The following ELP4 variants were observed in gnomAD, a reference collection of about 807,000 sequenced individuals.
ELP4 encodes the protein elongator complex protein 4.
ELP4 carries 51 observed loss-of-function variants against 48.9 expected under a neutral mutation model. That is an observed-to-expected ratio of 1.04 (90% confidence interval 0.83 to 1.32). The LOEUF is 1.32. Among genes scored for constraint, ELP4 ranks in the 40% most tolerant of loss-of-function variants. ELP4 has a pLI of 0.00. For missense variants in ELP4, 519 were observed against 514.6 expected (o/e 1.01, Z -0.08); for synonymous variants, 210 against 189.2 (o/e 1.11, Z -0.90).
intron 9 of ELP4, chr11:31,650,669 C>T (rs1442344504): frequency 1.3e-5 from 2 of 152,388 alleles, no homozygotes; most frequent in African/African-American, 4.8e-5. Context: ...TGGAACTAAA[C>T]AAATTATAAT....
intron 3 of ELP4, among the ~76,000 whole-genome samples, chr11:31,567,274 T>C (rs1957128708): frequency 6.6e-6 from 1 of 152,222 alleles, no homozygotes; most frequent in South Asian, 2.1e-4. Context: ...TACCCAGATT[T>C]TATTCTAAAA....
chr11:31,606,571 A>G lies in ELP4; in HGVS notation c.653+2664A>G, dbSNP rs190979161. Among the ~76,000 whole-genome samples, 6 of 152,328 alleles carry G rather than the reference A, an allele frequency of 3.9e-5. No homozygotes were observed. The East Asian group carries it at 1.2e-3, about 29-fold the overall frequency. ...GCCTGTAGAAAAAATTCATACATAC[A>G]GTTTAAATTTTCAAATTAAAGCCAG... On this transcript the variant is annotated intron_variant, in intron 5 of 9. Transcript: ENST00000640961.
chr11:31,729,019 T>C (rs1463644636), intron 9 of ELP4, among the ~76,000 whole-genome samples: 1 of 152,182 alleles, frequency 6.6e-6, no homozygotes, highest in African/African-American at 2.4e-5. Context: ...CAAAATAGTC[T>C]CATTAGCTAG....
intron 5 of ELP4, among the ~76,000 whole-genome samples, chr11:31,604,855 G>A (rs1225421517): frequency 6.6e-6 from 1 of 151,900 alleles, no homozygotes; most frequent in Non-Finnish European, 1.5e-5. Flanking sequence ...GTGCTTTGAT[G>A]TTGTTTTAGC....
At chr11:31,558,250 A>C (rs1156796339) in intron 3 of ELP4, among the ~76,000 whole-genome samples, 1 of 152,072 alleles carries the variant, frequency 6.6e-6, no homozygotes, top group Non-Finnish European at 1.5e-5. Flanking sequence ...CTAAAAAAAA[A>C]CATGCAAAGG....
rs148910051 is a variant in ELP4, at chr11:31,729,412, C to T, written c.1144-53981C>T. 5.3e-5 allele frequency among the ~76,000 whole-genome samples: 8 copies of T among 152,094 alleles called. No individual in the cohort carries two copies. In the East Asian group the frequency reaches 1.4e-3, roughly 26 times the overall value. ...TACAAAAATAAAATGAAATAATAGG[C>T]AAATAATCATTTTGGGAATTAAATA... On this transcript the variant is annotated intron_variant, in intron 9 of 9. Transcript: ENST00000640961.
chr11:31,520,213 TAG>T (rs1307590693), intron 2 of ELP4, 122 bp downstream of exon 2: 2 of 785,030 alleles, frequency 2.5e-6, no homozygotes. Context: ...TAAGATAAAT[TAG>T]AGAGGAATTG....
At chr11:31,645,525 A>G (rs1159113258) in intron 7 of ELP4, 3 of 151,816 alleles carry the variant, frequency 2.0e-5, no homozygotes, top group Admixed American at 1.3e-4. Context: ...TCTGTTATTC[A>G]TATAATTGAG....
At chr11:31,550,137 A>T (rs900522624) in intron 3 of ELP4, among the ~76,000 whole-genome samples, 10 of 152,302 alleles carry the variant, frequency 6.6e-5, no homozygotes, top group Admixed American at 5.9e-4. Flanking sequence ...ATAATAATAA[A>T]AAAAAAATAA....
At position 31,788,562 on chromosome 11, in the gene ELP4, T is replaced by G. The variant is rs1386914471; in HGVS notation, c.*5038T>G. On this transcript the variant is annotated 3_prime_UTR_variant, in exon 10 of 10. Transcript: ENST00000640961. ...TACTTCAGTGAAATCATTGTTGAAA[T>G]AGGCTGACAATGGAAATCTGCCCAG... 1 of 222,162 alleles carries G rather than the reference T, an allele frequency of 4.5e-6. No individual in the cohort carries two copies. The highest frequency in any genetic ancestry group is 2.2e-5 in the African/African-American group (1 of 44,676). 13.8% of individuals were successfully genotyped at this position (222,162 alleles called of 1,614,324 possible).
chr11:31,673,103 G>A (rs527364605), intron 9 of ELP4, among the ~76,000 whole-genome samples: 34 of 151,148 alleles, frequency 2.2e-4, no homozygotes, highest in Admixed American at 1.8e-3. Flanking sequence ...TGCAACCTCC[G>A]CCTTCTGGGT....
intron 9 of ELP4, among the ~76,000 whole-genome samples, chr11:31,687,972 T>C (rs912279788): frequency 2.0e-5 from 3 of 152,134 alleles, no homozygotes; most frequent in Admixed American, 6.5e-5. Context: ...AAAATCACGA[T>C]TGAATAAAAG....
chr11:31,733,337 A>G (rs1185616208), intron 9 of ELP4, among the ~76,000 whole-genome samples: 8 of 151,786 alleles, frequency 5.3e-5, no homozygotes, highest in Admixed American at 5.3e-4. Flanking sequence ...CCTAGCCAGG[A>G]GTGGTGGCGT....
chr11:31,535,676 T>A (rs959882650), intron 2 of ELP4, among the ~76,000 whole-genome samples: 1 of 152,194 alleles, frequency 6.6e-6, no homozygotes, highest in Non-Finnish European at 1.5e-5. Context: ...TTTTTACGAC[T>A]GTATATACTC....
At chr11:31,725,121 T>C (rs1407075372) in intron 9 of ELP4, among the ~76,000 whole-genome samples, 1 of 152,224 alleles carries the variant, frequency 6.6e-6, no homozygotes, top group Non-Finnish European at 1.5e-5. Flanking sequence ...TCATTATGAC[T>C]GCTTCTCTGA....
At chr11:31,673,870 T>G (rs1945861219) in intron 9 of ELP4, among the ~76,000 whole-genome samples, 1 of 152,222 alleles carries the variant, frequency 6.6e-6, no homozygotes, top group South Asian at 2.1e-4. Flanking sequence ...TGATATCTAA[T>G]GAAATGCTAG....
At chr11:31,772,117 C>CT (rs1246824530) in intron 9 of ELP4, among the ~76,000 whole-genome samples, 1 of 115,504 alleles carries the variant, frequency 8.7e-6, no homozygotes, top group African/African-American at 3.6e-5. Context: ...GAATTATTTT[C>CT]TTCTTTTTTT....
At position 31,650,081 on chromosome 11, in the gene ELP4, TA is replaced by T. The variant is rs554143367; in HGVS notation, c.1037-31del. On this transcript the variant is annotated intron_variant, in intron 8 of 9. Coordinates refer to ENST00000640961, the MANE Select transcript of ELP4 (RefSeq NM_019040.5). ...ATTTATGCATCTGATGACAATGTTT[TA>T]AATTTTTTTTCTTTTAATTTCTTTT... 2.4e-4 allele frequency: 217 copies of T among 888,950 alleles called. 1 individual carries two copies. The African/African-American group carries it at 3.1e-3, about 13-fold the overall frequency. The allele number at this position is 888,950 out of a possible 1,614,324, so 55.1% of individuals were successfully genotyped here.
chr11:31,681,416 C>G (rs1946048240), intron 9 of ELP4, among the ~76,000 whole-genome samples: 1 of 152,092 alleles, frequency 6.6e-6, no homozygotes, highest in South Asian at 2.1e-4. Flanking sequence ...AATTAGACAG[C>G]TGCTATGTGT....
Sources: gnomAD v4.1 joint callset for allele counts (sites outside exome capture counted in the v4.1 genomes callset) on GRCh38, gnomAD v4.1.1 for gene constraint, MANE v1.5 for transcripts, NCBI Gene and HGNC (gene_info 2026-07-23, HGNC 2026-07-21) for gene names.